FOXD3: variants seen among roughly 807,000 people sequenced by gnomAD.
FOXD3 encodes the protein forkhead box protein D3.
In FOXD3, 3 loss-of-function variants were observed where a neutral mutation model predicts 3.6. The observed-to-expected ratio is 0.84, with a 90% CI of 0.38 to 2.18. The LOEUF (loss-of-function observed/expected upper bound fraction) is 2.18, where lower values mean the gene tolerates loss of function less well. FOXD3 is among the 30% of genes most tolerant of loss of function. FOXD3 has a pLI of 0.06. For synonymous variants in FOXD3, 391 were observed against 360.9 expected, an observed-to-expected ratio of 1.08 and a Z score of -0.94; for missense variants, 686 against 731.6, an observed-to-expected ratio of 0.94 and a Z score of 0.72.
chr1:63,324,017 T>C lies in FOXD3; in HGVS notation c.959T>C (p.Leu320Pro). 7.4e-7 allele frequency: 1 copy of C among 1,359,706 alleles called. No homozygotes were observed. The highest frequency in any genetic ancestry group is 1.8e-5 in the South Asian group (1 of 55,180). The allele number at this position is 1,359,706 out of a possible 1,614,324, so 84.2% of individuals were successfully genotyped here. A position where few individuals can be genotyped will look rare whatever the true frequency, so the allele number is the denominator to read the frequency against. Residue 320 changes from leucine to proline, a missense_variant, in exon 1 of 1, where the codon CTG becomes CCG. Leu to Pro is a moderately conservative substitution (Grantham distance 98). Coordinates refer to ENST00000371116, the MANE Select transcript of FOXD3 (RefSeq NM_012183.3). The surrounding 1 kb of genome is among the most constrained non-coding windows in gnomAD (Gnocchi z 4.1). The part of the protein sequence containing the change: ...VAPVLPPAVP[L>P]LPSGELGRKA... ...CCGGTGCTGCCTCCCGCTGTGCCGC[T>C]GCTGCCCTCGGGCGAGCTGGGCCGC...
rs1647031257 is a variant in FOXD3, at chr1:63,322,588, T to C, written c.-471T>C. Reference sequence around the variant, plus strand: ...CAGTCCTTAAAACGGGACTTTCGACTACCGGGGCTTCGGCGTCCCTGACAC... The same window carrying C: ...CAGTCCTTAAAACGGGACTTTCGACCACCGGGGCTTCGGCGTCCCTGACAC... On this transcript the variant is annotated 5_prime_UTR_variant, in exon 1 of 1. Transcript: ENST00000371116. 5.1e-6 allele frequency: 5 copies of C among 980,440 alleles called. No homozygotes were observed. The highest frequency in any genetic ancestry group is 1.7e-5 in the African/African-American group (1 of 57,250). The allele number at this position is 980,440 out of a possible 1,614,324, so 60.7% of individuals were successfully genotyped here. A position where few individuals can be genotyped will look rare whatever the true frequency, so the allele number is the denominator to read the frequency against.
rs1647062370 is a variant in FOXD3 at position 63,324,677 on chromosome 1, C to A, written c.*182C>A. 6 of 608,760 alleles carry A rather than the reference C, an allele frequency of 9.9e-6. No individual in the cohort carries two copies. The highest frequency in any genetic ancestry group is 4.2e-5 in the South Asian group (2 of 48,014). 37.7% of individuals were successfully genotyped at this position (608,760 alleles called of 1,614,324 possible). On this transcript the variant is annotated 3_prime_UTR_variant, in exon 1 of 1. Transcript: ENST00000371116. The surrounding 1 kb of genome is among the most constrained non-coding windows in gnomAD (Gnocchi z 4.1). ...CTACCTTCCGCGGCCTCCATCCCCT[C>A]GCGCACACCTAAGCTGGTCGAGCAA...
Position 63,323,313 on chromosome 1 carries a change from G to T in FOXD3, c.255G>T (p.Ala85=), listed in dbSNP as rs1043858064. ...HQQPLTLPKE[A]AGAGAGPGGD... The stretch of plus-strand genomic sequence containing the variant: ...AGCCCCTGACATTGCCCAAGGAGGC[G>T]GCCGGAGCCGGGGCCGGACCGGGGG... The change falls in exon 1 of 1, where the codon GCG becomes GCT. Residue 85 remains alanine (A), a synonymous_variant. Transcript: ENST00000371116. The surrounding 1 kb of genome is among the most constrained non-coding windows in gnomAD (Gnocchi z 6.8). 1 of 1,383,986 alleles carries T rather than the reference G, an allele frequency of 7.2e-7. No individual in the cohort carries two copies. The highest frequency in any genetic ancestry group is 1.7e-5 in the African/African-American group (1 of 58,474). 85.7% of individuals were successfully genotyped at this position (1,383,986 alleles called of 1,614,324 possible).
Position 63,323,346 on chromosome 1 carries a change from G to C in FOXD3, c.288G>C (p.Val96=). The change falls in exon 1 of 1, where the codon GTG becomes GTC. Residue 96 remains valine (V), a synonymous_variant. Transcript: ENST00000371116. The surrounding 1 kb of genome is among the most constrained non-coding windows in gnomAD (Gnocchi z 6.8). The stretch of plus-strand genomic sequence containing the variant: ...CCGGGGCCGGACCGGGGGGCGACGT[G>C]GGCGCGCCGGAGGCGGACGGCTGCA... ...AGAGAGPGGD[V]GAPEADGCKG... The C allele has an allele frequency of 7.4e-7, 1 of 1,344,054 alleles. No homozygotes were observed. Among genetic ancestry groups the C allele is most frequent in the Non-Finnish European group, 9.5e-7 (1 of 1,049,606 alleles). The allele number at this position is 1,344,054 out of a possible 1,614,324, so 83.3% of individuals were successfully genotyped here. A position where few individuals can be genotyped will look rare whatever the true frequency, so the allele number is the denominator to read the frequency against.
rs1449958997 is a variant in FOXD3, at chr1:63,323,307, G to A, written c.249G>A (p.Lys83=). The A allele has an allele frequency of 1.4e-6, 2 of 1,400,080 alleles. No homozygotes were observed. The highest frequency in any genetic ancestry group is 1.5e-5 in the African/African-American group (1 of 65,534). The allele number at this position is 1,400,080 out of a possible 1,614,324, so 86.7% of individuals were successfully genotyped here. A position where few individuals can be genotyped will look rare whatever the true frequency, so the allele number is the denominator to read the frequency against. The change falls in exon 1 of 1, where the codon AAG becomes AAA. Residue 83 remains lysine, a synonymous_variant. Transcript: ENST00000371116. The surrounding 1 kb of genome is among the most constrained non-coding windows in gnomAD (Gnocchi z 6.8). ...ACCAGCAGCCCCTGACATTGCCCAA[G>A]GAGGCGGCCGGAGCCGGGGCCGGAC... ...PPHQQPLTLP[K]EAAGAGAGPG... is the part of the protein sequence containing the mutation.
In FOXD3 at chr1:63,324,158, T is replaced by C; in HGVS notation, c.1100T>C (p.Leu367Pro). Residue 367 changes from leucine (L) to proline (P), a missense_variant, in exon 1 of 1, where the codon CTC becomes CCC. Physicochemically the swap from Leu to Pro is moderately conservative, Grantham distance 98 (BLOSUM62 -3). This residue lies in a region of FOXD3 where 370 missense variants were observed against 372.3 expected (regional missense o/e 0.99). Transcript: ENST00000371116. The surrounding 1 kb of genome is among the most constrained non-coding windows in gnomAD (Gnocchi z 4.1). ...TAGAAGTTAS[L>P]IKSEPSARPS... ...GGCGCCGCGGGCACCACCGCGTCGC[T>C]CATCAAGTCCGAGCCAAGCGCGCGG... The C allele has an allele frequency of 7.0e-7, 1 of 1,433,188 alleles. No individual in the cohort carries two copies. 88.8% of individuals were successfully genotyped at this position (1,433,188 alleles called of 1,614,324 possible).
rs1647052858 is a variant in FOXD3, at chr1:63,324,010, G to A, written c.952G>A (p.Val318Met). 1 of 1,352,468 alleles carries A rather than the reference G, an allele frequency of 7.4e-7. No homozygotes were observed. The highest frequency in any genetic ancestry group is 9.5e-7 in the Non-Finnish European group (1 of 1,056,324). The allele number at this position is 1,352,468 out of a possible 1,614,324, so 83.8% of individuals were successfully genotyped here. A position where few individuals can be genotyped will look rare whatever the true frequency, so the allele number is the denominator to read the frequency against. The part of the protein sequence containing the change: ...PPVAPVLPPA[V>M]PLLPSGELGR... ...GGTGGCACCGGTGCTGCCTCCCGCTGTGCCGCTGCTGCCCTCGGGCGAGCT... is the reference window on the plus strand; with the variant it reads ...GGTGGCACCGGTGCTGCCTCCCGCTATGCCGCTGCTGCCCTCGGGCGAGCT... Residue 318 changes from valine to methionine, a missense_variant, in exon 1 of 1, where the codon GTG becomes ATG. Around this residue, in one of 3 missense-constraint regions of FOXD3, gnomAD observed 370 missense variants for 372.3 expected, o/e 0.99. Coordinates refer to ENST00000371116, the MANE Select transcript of FOXD3 (RefSeq NM_012183.3). The surrounding 1 kb of genome is among the most constrained non-coding windows in gnomAD (Gnocchi z 4.1).
In FOXD3 at chr1:63,322,606, CCT is replaced by C; in HGVS notation, c.-452_-451del. ...TTTCGACTACCGGGGCTTCGGCGTC[CCT>C]GACACCCAGCCCCCTGCCCCCCCGC... is the stretch of plus-strand genomic sequence containing the variant. On this transcript the variant is annotated 5_prime_UTR_variant, in exon 1 of 1. Coordinates refer to ENST00000371116, the MANE Select transcript of FOXD3 (RefSeq NM_012183.3). 1 of 971,554 alleles carries C rather than the reference CCT, an allele frequency of 1.0e-6. No homozygotes were observed. Among genetic ancestry groups the C allele is most frequent in the Non-Finnish European group, 1.2e-6 (1 of 815,692 alleles). 60.2% of individuals were successfully genotyped at this position (971,554 alleles called of 1,614,324 possible). A position where few individuals can be genotyped will look rare whatever the true frequency, so the allele number is the denominator to read the frequency against.
chr1:63,324,407 T>G lies in FOXD3; in HGVS notation c.1349T>G (p.Val450Gly). The change falls in exon 1 of 1, where the codon GTG (valine) becomes GGG (glycine). Residue 450 changes from valine to glycine, a missense_variant. By Grantham distance (109) the Val-to-Gly change is moderately radical. Around this residue, in one of 3 missense-constraint regions of FOXD3, gnomAD observed 370 missense variants for 372.3 expected, o/e 0.99. Transcript: ENST00000371116. The surrounding 1 kb of genome is among the most constrained non-coding windows in gnomAD (Gnocchi z 4.1). ...GCCACCATCGCGCCCATTCTTAGCGTGCCACTCTCCGGACAGTTTCTGCAG... is the reference window on the plus strand; with the variant it reads ...GCCACCATCGCGCCCATTCTTAGCGGGCCACTCTCCGGACAGTTTCTGCAG... Reference protein sequence around the residue: ...TTATIAPILSVPLSGQFLQPA... With the variant: ...TTATIAPILSGPLSGQFLQPA... The G allele has an allele frequency of 1.3e-6, 2 of 1,583,420 alleles. No homozygotes were observed. The highest frequency in any genetic ancestry group is 1.7e-6 in the Non-Finnish European group (2 of 1,173,788).
chr1:63,324,491 A>C lies in FOXD3; in HGVS notation c.1433A>C (p.Gln478Pro), dbSNP rs1263675672. 1.8e-5 allele frequency: 27 copies of C among 1,535,794 alleles called. No homozygotes were observed. The highest frequency in any genetic ancestry group is 2.4e-5 in the Non-Finnish European group (27 of 1,146,292). ...GCCGCTCAAGCCAAATGGCCGGCGC[A>C]ATAGGGACGCGCCAATGGCCGGGAC... Reference protein sequence around the residue: ...AAAAQAKWPAQ With the variant: ...AAAAQAKWPAP Residue 478 changes from glutamine to proline, a missense_variant, in exon 1 of 1, where the codon CAA becomes CCA. Coordinates refer to ENST00000371116, the MANE Select transcript of FOXD3 (RefSeq NM_012183.3). The surrounding 1 kb of genome is among the most constrained non-coding windows in gnomAD (Gnocchi z 4.1).
Position 63,323,717 on chromosome 1 carries a change from A to C in FOXD3, c.659A>C (p.Gln220Pro). The change falls in exon 1 of 1, where the codon CAG becomes CCG. Residue 220 changes from glutamine to proline, a missense_variant. By Grantham distance (76) the Gln-to-Pro change is moderately conservative. Transcript: ENST00000371116. This position sits in a 1 kb window ranked among gnomAD's most constrained non-coding sequence, Gnocchi z 6.8. ...GGCAACTACTGGACCCTGGACCCGC[A>C]GTCCGAGGACATGTTCGACAACGGC... ...GKGNYWTLDP[Q>P]SEDMFDNGSF... is the part of the protein sequence containing the mutation. The C allele has an allele frequency of 6.2e-7, 1 of 1,613,950 alleles. No individual in the cohort carries two copies. Among genetic ancestry groups the C allele is most frequent in the Non-Finnish European group, 8.5e-7 (1 of 1,179,938 alleles).
Position 63,323,159 on chromosome 1 carries a change from G to T in FOXD3, c.101G>T (p.Gly34Val). 3 of 1,569,048 alleles carry T rather than the reference G, an allele frequency of 1.9e-6. No individual in the cohort carries two copies. Among genetic ancestry groups the T allele is most frequent in the Non-Finnish European group, 2.6e-6 (3 of 1,159,632 alleles). Residue 34 changes from glycine to valine, a missense_variant, in exon 1 of 1, where the codon GGG (glycine) becomes GTG (valine). Coordinates refer to ENST00000371116, the MANE Select transcript of FOXD3 (RefSeq NM_012183.3). This position sits in a 1 kb window ranked among gnomAD's most constrained non-coding sequence, Gnocchi z 6.8. The stretch of plus-strand genomic sequence containing the variant: ...GATGTGGTGGGCGAGGGCGACGACG[G>T]GCTGGAAGAGAAGGACAGCGACGCA... Reference protein sequence around the residue: ...DIDVVGEGDDGLEEKDSDAGC... With the variant: ...DIDVVGEGDDVLEEKDSDAGC...
Position 63,323,808 on chromosome 1 carries a change from G to A in FOXD3, c.750G>A (p.Ala250=), listed in dbSNP as rs147290223. 9.3e-6 allele frequency: 15 copies of A among 1,610,066 alleles called. No homozygotes were observed. The African/African-American group carries it at 1.7e-4, about 19-fold the overall frequency. ...HQQEHLREQT[A]LMMQSFGAYS... is the part of the protein sequence containing the mutation. ...AGGAGCACCTGCGCGAGCAGACGGC[G>A]CTCATGATGCAGAGCTTCGGCGCTT... is the stretch of plus-strand genomic sequence containing the variant. The change falls in exon 1 of 1, where the codon GCG becomes GCA. Residue 250 remains alanine, a synonymous_variant. Coordinates refer to ENST00000371116, the MANE Select transcript of FOXD3 (RefSeq NM_012183.3). This position sits in a 1 kb window ranked among gnomAD's most constrained non-coding sequence, Gnocchi z 6.8.
In FOXD3 at chr1:63,323,344, G is replaced by T. The variant is rs2274188; in HGVS notation, c.286G>T (p.Val96Leu). ...AGCCGGGGCCGGACCGGGGGGCGAC[G>T]TGGGCGCGCCGGAGGCGGACGGCTG... ...AGAGAGPGGDVGAPEADGCKG... is the reference protein window; with the variant it reads ...AGAGAGPGGDLGAPEADGCKG... The change falls in exon 1 of 1, where the codon GTG (valine) becomes TTG (leucine). Residue 96 changes from valine (V) to leucine (L), a missense_variant. Val to Leu is a conservative substitution (Grantham distance 32, BLOSUM62 1). Around this residue, in one of 3 missense-constraint regions of FOXD3, gnomAD observed 232 missense variants for 214.0 expected, o/e 1.08. Coordinates refer to ENST00000371116, the MANE Select transcript of FOXD3 (RefSeq NM_012183.3). This position sits in a 1 kb window ranked among gnomAD's most constrained non-coding sequence, Gnocchi z 6.8. 0.017 allele frequency: 22,604 copies of T among 1,344,330 alleles called. 863 individuals carry two copies. The highest frequency in any genetic ancestry group is 0.13 in the South Asian group (6,385 of 48,018). The allele number at this position is 1,344,330 out of a possible 1,614,324, so 83.3% of individuals were successfully genotyped here.
In FOXD3 at chr1:63,323,014, CGCCCGCT is replaced by C. The variant is rs1647037186; in HGVS notation, c.-40_-34del. On this transcript the variant is annotated 5_prime_UTR_variant, in exon 1 of 1. Transcript: ENST00000371116. The surrounding 1 kb of genome is among the most constrained non-coding windows in gnomAD (Gnocchi z 6.8). The stretch of plus-strand genomic sequence containing the variant: ...CGTGGCAGCCCCCGAACACCCTCAT[CGCCCGCT>C]GCCCCCTCCCCGCCGCCGCTACCAA... 1 of 1,509,398 alleles carries C rather than the reference CGCCCGCT, an allele frequency of 6.6e-7. No homozygotes were observed. Among genetic ancestry groups the C allele is most frequent in the Admixed American group, 2.0e-5 (1 of 49,236 alleles). 93.5% of individuals were successfully genotyped at this position (1,509,398 alleles called of 1,614,324 possible). A position where few individuals can be genotyped will look rare whatever the true frequency, so the allele number is the denominator to read the frequency against.
rs1647037803 is a variant in FOXD3 at position 63,323,031 on chromosome 1, C to T, written c.-28C>T. ...ACCCTCATCGCCCGCTGCCCCCTCC[C>T]CGCCGCCGCTACCAACCCCGAGGAG... On this transcript the variant is annotated 5_prime_UTR_variant, in exon 1 of 1. Coordinates refer to ENST00000371116, the MANE Select transcript of FOXD3 (RefSeq NM_012183.3). The surrounding 1 kb of genome is among the most constrained non-coding windows in gnomAD (Gnocchi z 6.8). The T allele has an allele frequency of 6.6e-7, 1 of 1,514,764 alleles. No individual in the cohort carries two copies. Among genetic ancestry groups the T allele is most frequent in the East Asian group, 2.6e-5 (1 of 38,276 alleles). 93.8% of individuals were successfully genotyped at this position (1,514,764 alleles called of 1,614,324 possible). A position where few individuals can be genotyped will look rare whatever the true frequency, so the allele number is the denominator to read the frequency against.
At position 63,324,098 on chromosome 1, in the gene FOXD3, G is replaced by T; in HGVS notation, c.1040G>T (p.Ser347Ile). Residue 347 changes from serine to isoleucine, a missense_variant, in exon 1 of 1, where the codon AGC (serine) becomes ATC (isoleucine). By Grantham distance (142) the Ser-to-Ile change is moderately radical. This residue lies in a region of FOXD3 where 370 missense variants were observed against 372.3 expected (regional missense o/e 0.99). Transcript: ENST00000371116. The surrounding 1 kb of genome is among the most constrained non-coding windows in gnomAD (Gnocchi z 4.1). ...LGPGLQLQLN[S>I]LGAAAAAAGT... ...CCGGGCCTGCAGCTGCAGCTCAATA[G>T]CCTGGGCGCCGCCGCGGCCGCTGCG... 7.0e-7 allele frequency: 1 copy of T among 1,429,502 alleles called. No individual in the cohort carries two copies. Among genetic ancestry groups the T allele is most frequent in the Non-Finnish European group, 9.1e-7 (1 of 1,104,774 alleles). The allele number at this position is 1,429,502 out of a possible 1,614,324, so 88.6% of individuals were successfully genotyped here. A position where few individuals can be genotyped will look rare whatever the true frequency, so the allele number is the denominator to read the frequency against.
Position 63,323,706 on chromosome 1 carries a change from C to T in FOXD3, c.648C>T (p.Thr216=). Residue 216 remains threonine, a synonymous_variant, in exon 1 of 1, where the codon ACC becomes ACT. Transcript: ENST00000371116. This position sits in a 1 kb window ranked among gnomAD's most constrained non-coding sequence, Gnocchi z 6.8. ...PGNPGKGNYW[T]LDPQSEDMFD... ...ACCCGGGCAAGGGCAACTACTGGACCCTGGACCCGCAGTCCGAGGACATGT... is the reference window on the plus strand; with the variant it reads ...ACCCGGGCAAGGGCAACTACTGGACTCTGGACCCGCAGTCCGAGGACATGT... 1 of 1,614,018 alleles carries T rather than the reference C, an allele frequency of 6.2e-7. No homozygotes were observed. Among genetic ancestry groups the T allele is most frequent in the Non-Finnish European group, 8.5e-7 (1 of 1,179,976 alleles).
chr1:63,323,291 C>T lies in FOXD3; in HGVS notation c.233C>T (p.Pro78Leu). The change falls in exon 1 of 1, where the codon CCC becomes CTC. Residue 78 changes from proline to leucine, a missense_variant. Transcript: ENST00000371116. The surrounding 1 kb of genome is among the most constrained non-coding windows in gnomAD (Gnocchi z 6.8). ...CAGCCTCAGCCGCCCCACCAGCAGCCCCTGACATTGCCCAAGGAGGCGGCC... is the reference window on the plus strand; with the variant it reads ...CAGCCTCAGCCGCCCCACCAGCAGCTCCTGACATTGCCCAAGGAGGCGGCC... ...HGQPQPPHQQ[P>L]LTLPKEAAGA... 1.4e-6 allele frequency: 2 copies of T among 1,453,084 alleles called. No homozygotes were observed. The highest frequency in any genetic ancestry group is 1.8e-6 in the Non-Finnish European group (2 of 1,106,634). 90.0% of individuals were successfully genotyped at this position (1,453,084 alleles called of 1,614,324 possible).
Sources: allele counts gnomAD v4.1 joint callset, GRCh38; gene constraint gnomAD v4.1.1; regional missense constraint gnomAD v4.1.1; non-coding constraint Gnocchi (gnomAD v3.1); transcripts MANE v1.5; gene names NCBI Gene and HGNC (gene_info 2026-07-23, HGNC 2026-07-21).